Variants in CTNNA2 observed in about 807,000 individuals in gnomAD.
CTNNA2 encodes catenin alpha 2, also known as catenin alpha-2.
A neutral mutation model predicts 101.0 loss-of-function variants in CTNNA2; 42 were observed. The observed-to-expected ratio is 0.42, with a 90% CI of 0.32 to 0.54. The LOEUF is 0.54. Among genes scored for constraint, CTNNA2 ranks in the 20% least tolerant of loss-of-function variants. CTNNA2 has a pLI of 0.14. For synonymous variants in CTNNA2, 450 were observed against 456.4 expected (o/e 0.99, Z 0.18); for missense variants, 871 against 1,223.1 (o/e 0.71, Z 4.29).
chr2:79,991,931 A>G (rs931251220), intron 7 of CTNNA2, among the ~76,000 whole-genome samples: 1 of 152,126 alleles, frequency 6.6e-6, no homozygotes, highest in African/African-American at 2.4e-5. Flanking sequence ...GCCAGGTCTG[A>G]TTTATTTAGA....
At chr2:79,215,874 C>T (rs906400526) in intron 2 of CTNNA2, among the ~76,000 whole-genome samples, 1 of 151,892 alleles carries the variant, frequency 6.6e-6, no homozygotes, top group Non-Finnish European at 1.5e-5. Flanking sequence ...GAATTATGAC[C>T]TAGCTCGGCC....
At chr2:80,133,445 A>T (rs1702520808) in intron 7 of CTNNA2, among the ~76,000 whole-genome samples, 1 of 152,126 alleles carries the variant, frequency 6.6e-6, no homozygotes, top group Non-Finnish European at 1.5e-5. Flanking sequence ...ATTTTATTTA[A>T]CTCATAATAT....
intron 7 of CTNNA2, among the ~76,000 whole-genome samples, chr2:80,247,414 A>G (rs1386665705): frequency 6.6e-6 from 1 of 152,178 alleles, no homozygotes; most frequent in Non-Finnish European, 1.5e-5. Context: ...AAGCCTTACC[A>G]TTCTCTGTAA....
chr2:79,843,183 TAAG>T, intron 3 of CTNNA2, among the ~76,000 whole-genome samples: 1 of 152,240 alleles, frequency 6.6e-6, no homozygotes, highest in African/African-American at 2.4e-5. Context: ...CTGGAGTATT[TAAG>T]AAGTGTGCAC....
At chr2:79,523,968 G>A (rs914140942) in intron 1 of CTNNA2, among the ~76,000 whole-genome samples, 1 of 151,934 alleles carries the variant, frequency 6.6e-6, no homozygotes, top group South Asian at 2.1e-4. Flanking sequence ...TATTCTCTGG[G>A]TATAAGTAAT....
At chr2:79,456,923 C>T (rs1038973736) in intron 4 of CTNNA2, among the ~76,000 whole-genome samples, 2 of 152,166 alleles carry the variant, frequency 1.3e-5, no homozygotes, top group African/African-American at 4.8e-5. Flanking sequence ...AGAATTCGGC[C>T]GGGCATGGTG....
chr2:80,553,219 G>A (rs34718813), intron 11 of CTNNA2, among the ~76,000 whole-genome samples: 45,451 of 116,348 alleles, frequency 0.39, 7,681 homozygotes, highest in East Asian at 0.61. Flanking sequence ...GGGAGACTCC[G>A]TCTCAAAAAA....
At chr2:79,280,743 C>T (rs544980370) in intron 2 of CTNNA2, among the ~76,000 whole-genome samples, 36 of 149,246 alleles carry the variant, frequency 2.4e-4, no homozygotes, top group African/African-American at 8.8e-4. Flanking sequence ...TCTTTGCCAT[C>T]CACCCTTGTG....
chr2:79,688,861 G>A (rs1285299830), intron 2 of CTNNA2, among the ~76,000 whole-genome samples: 1 of 151,964 alleles, frequency 6.6e-6, no homozygotes. Context: ...CAAATGTAGT[G>A]TTCTGAAACT....
intron 2 of CTNNA2, among the ~76,000 whole-genome samples, chr2:79,235,892 T>C (rs890993070): frequency 6.6e-6 from 1 of 152,110 alleles, no homozygotes; most frequent in Non-Finnish European, 1.5e-5. Flanking sequence ...TCGAGTCACC[T>C]TCCCTGCTGT....
intron 18 of CTNNA2, among the ~76,000 whole-genome samples, chr2:80,643,818 AG>A (rs1673748465): frequency 6.6e-6 from 1 of 152,188 alleles, no homozygotes; most frequent in Admixed American, 6.5e-5. Context: ...GGGTGACTCA[AG>A]GCCAGGAAGA....
At chr2:79,813,278 A>C (rs1677195077) in intron 3 of CTNNA2, among the ~76,000 whole-genome samples, 1 of 152,190 alleles carries the variant, frequency 6.6e-6, no homozygotes, top group African/African-American at 2.4e-5. Flanking sequence ...GAGTGCAAAA[A>C]TAGACATCAG....
chr2:80,372,180 T>C (rs1360222777), intron 7 of CTNNA2, among the ~76,000 whole-genome samples: 1 of 152,106 alleles, frequency 6.6e-6, no homozygotes, highest in Non-Finnish European at 1.5e-5. Context: ...CAGGTTGATA[T>C]TTGAGGACTC....
intron 7 of CTNNA2, among the ~76,000 whole-genome samples, chr2:80,083,262 T>TA (rs1346371271): frequency 6.6e-6 from 1 of 152,118 alleles, no homozygotes; most frequent in African/African-American, 2.4e-5. Context: ...TAAAACTAGT[T>TA]TCCTCAGTAC....
intron 7 of CTNNA2, among the ~76,000 whole-genome samples, chr2:79,997,492 G>A (rs1320628982): frequency 6.6e-6 from 1 of 152,116 alleles, no homozygotes; most frequent in African/African-American, 2.4e-5. Flanking sequence ...CTGTTTCTGT[G>A]GGGTCTGGCA....
At chr2:79,650,698 C>A (rs1167882163) in intron 1 of CTNNA2, among the ~76,000 whole-genome samples, 1 of 151,250 alleles carries the variant, frequency 6.6e-6, no homozygotes, top group Non-Finnish European at 1.5e-5. Context: ...AGGTTAGTTA[C>A]ATACATATAC....
intron 6 of CTNNA2, among the ~76,000 whole-genome samples, chr2:79,896,160 G>A (rs1684699802): frequency 6.6e-6 from 1 of 152,044 alleles, no homozygotes; most frequent in South Asian, 2.1e-4. Flanking sequence ...CCATGTGCCT[G>A]TAGTCCCAGC....
chr2:80,607,733 T>C (rs1698149325), intron 16 of CTNNA2, among the ~76,000 whole-genome samples: 1 of 151,898 alleles, frequency 6.6e-6, no homozygotes, highest in African/African-American at 2.4e-5. Context: ...AGGAAACAAA[T>C]TGATTTTCTT....
intron 1 of CTNNA2, among the ~76,000 whole-genome samples, chr2:79,187,909 A>C (rs919994134): frequency 2.0e-5 from 3 of 152,224 alleles, no homozygotes; most frequent in African/African-American, 7.2e-5. Flanking sequence ...TACAAAATAA[A>C]TTAAACCAAG....
Sources: gnomAD v4.1 joint callset for allele counts (sites outside exome capture counted in the v4.1 genomes callset) on GRCh38, gnomAD v4.1.1 for gene constraint, MANE v1.5 for transcripts, NCBI Gene and HGNC (gene_info 2026-07-23, HGNC 2026-07-21) for gene names.